SCML2: variants seen among roughly 807,000 people sequenced by gnomAD.
The protein encoded by SCML2 is sex comb on midleg-like protein 2.
In SCML2, 6 loss-of-function variants were observed where a neutral mutation model predicts 48.4. The ratio of observed to expected loss-of-function variants is 0.12; its 90% CI spans 0.07 to 0.24. The LOEUF is 0.24. Among genes scored for constraint, SCML2 ranks in the 10% least tolerant of loss-of-function variants. The pLI is 1.00. For synonymous variants in SCML2, 181 were observed against 189.5 expected (o/e 0.95, Z 0.37); for missense variants, 377 against 528.2 (o/e 0.71, Z 2.81).
At chrX:18,275,952 C>T (rs936552528) in intron 7 of SCML2, among the ~76,000 whole-genome samples, 1 of 112,277 alleles carries the variant, frequency 8.9e-6, no homozygotes, top group Non-Finnish European at 1.9e-5. Flanking sequence ...GTGGAGAAAT[C>T]AGGACCCTTG....
intron 1 of SCML2, 63 bp downstream of exon 1, chrX:18,354,529 G>T: frequency 4.2e-6 from 1 of 240,332 alleles, no homozygotes; most frequent in South Asian, 2.3e-4. Flanking sequence ...CACGGACAAC[G>T]GTCGGGGTCC....
intron 7 of SCML2, among the ~76,000 whole-genome samples, chrX:18,277,931 C>G (rs1927699253): frequency 9.1e-6 from 1 of 110,420 alleles, no homozygotes; most frequent in South Asian, 4.0e-4. Flanking sequence ...CTTTGGGAAG[C>G]CGAGGCGGGA....
At chrX:18,316,652 G>T (rs769685587) in intron 6 of SCML2, among the ~76,000 whole-genome samples, 32 of 111,887 alleles carry the variant, frequency 2.9e-4, no homozygotes, top group Middle Eastern at 4.6e-3. Context: ...TAGAACAGGG[G>T]TCCCCAACCC....
chrX:18,336,416 C>G (rs1388894022), intron 1 of SCML2, among the ~76,000 whole-genome samples: 2 of 80,051 alleles, frequency 2.5e-5, no homozygotes, highest in Non-Finnish European at 4.7e-5. Context: ...TCCAGCCTGG[C>G]GAAAGAGCGA....
chrX:18,243,866 T>C (rs1459506432), intron 13 of SCML2, among the ~76,000 whole-genome samples: 1 of 112,065 alleles, frequency 8.9e-6, no homozygotes, highest in African/African-American at 3.2e-5. Flanking sequence ...TAGGAAGATT[T>C]GTTTTGCTAA....
intron 2 of SCML2, 63 bp from the exon 3 acceptor site, chrX:18,330,718 A>G: frequency 1.5e-6 from 1 of 683,067 alleles, no homozygotes; most frequent in Non-Finnish European, 2.2e-6. Context: ...AGCACTCAGA[A>G]AAATATAAAT....
chrX:18,289,224 A>C (rs1006314290), intron 7 of SCML2, among the ~76,000 whole-genome samples: 4 of 112,327 alleles, frequency 3.6e-5, no homozygotes, highest in Non-Finnish European at 7.5e-5. Context: ...CAAGAAAGAA[A>C]AATCTCCAGA....
Position 18,332,024 on chromosome X carries a change from A to C in SCML2, c.23-1369T>G, listed in dbSNP as rs754899139. On this transcript the variant is annotated intron_variant, in intron 2 of 14. Coordinates refer to ENST00000251900, the MANE Select transcript of SCML2 (RefSeq NM_006089.3). ...CACAGGAGGCTCCTAATATCTAGTT[A>C]TCTCTCTTTTCGTGATGTGAACAGT... Among the ~76,000 whole-genome samples the C allele has an allele frequency of 3.6e-5, 4 of 112,162 alleles. No individual in the cohort carries two copies. The South Asian group carries it at 1.1e-3, about 31-fold the overall frequency.
At chrX:18,347,200 T>C (rs908756482) in intron 1 of SCML2, among the ~76,000 whole-genome samples, 25 of 111,331 alleles carry the variant, frequency 2.2e-4, no homozygotes, top group African/African-American at 8.2e-4. Flanking sequence ...ATCCCAGCAC[T>C]TTGGGAGGCT....
At chrX:18,316,270 T>C (rs1395057793) in intron 6 of SCML2, among the ~76,000 whole-genome samples, 1 of 111,507 alleles carries the variant, frequency 9.0e-6, no homozygotes, top group Admixed American at 9.5e-5. Context: ...ATGCCTGTAA[T>C]CCCAGCTACT....
At chrX:18,292,928 T>C (rs1210111287) in intron 7 of SCML2, among the ~76,000 whole-genome samples, 2 of 110,638 alleles carry the variant, frequency 1.8e-5, no homozygotes, top group Non-Finnish European at 3.8e-5. Flanking sequence ...AATTATTCTA[T>C]AATTATTCTA....
chrX:18,241,313 G>A lies in SCML2; in HGVS notation c.2041C>T (p.Leu681=). The A allele has an allele frequency of 8.3e-7, 1 of 1,199,970 alleles. No homozygotes were observed. Among genetic ancestry groups the A allele is most frequent in the African/African-American group, 1.7e-5 (1 of 57,519 alleles). ...DVMMKYMGLK[L]GPALKLCYYI... is the part of the protein sequence containing the mutation. The stretch of plus-strand genomic sequence containing the variant: ...TAACACAGCTTTAATGCTGGCCCCA[G>A]CTTCAGCCCCATATACTTCATCATC... Residue 681 remains leucine, a synonymous_variant, in exon 15 of 15, where the codon CTG becomes TTG. Transcript: ENST00000251900.
At chrX:18,283,036 G>A (rs192051910) in intron 7 of SCML2, among the ~76,000 whole-genome samples, 2 of 111,231 alleles carry the variant, frequency 1.8e-5, no homozygotes, top group East Asian at 5.6e-4. Context: ...TGAATACAGA[G>A]GCAAATATCC....
chrX:18,276,778 G>A (rs748398700), intron 7 of SCML2, among the ~76,000 whole-genome samples: 133 of 111,492 alleles, frequency 1.2e-3, no homozygotes, highest in African/African-American at 4.1e-3. Context: ...ATCTAGAATA[G>A]GTAAATCCAT....
intron 6 of SCML2, among the ~76,000 whole-genome samples, chrX:18,309,725 A>G (rs1377045873): frequency 8.9e-6 from 1 of 111,769 alleles, no homozygotes; most frequent in Admixed American, 9.5e-5. Flanking sequence ...GTGAGTACAC[A>G]TGGACACAAA....
rs1477449884 is a variant in SCML2, at chrX:18,262,735, A to C, written c.949-2444T>G. Among the ~76,000 whole-genome samples the C allele has an allele frequency of 1.9e-5, 2 of 104,818 alleles. 1 individual carries two copies. Among genetic ancestry groups the C allele is most frequent in the African/African-American group, 7.4e-5 (2 of 26,872 alleles). 91.0% of individuals were successfully genotyped at this position (104,818 alleles called of 115,157 possible). ...TCCTTTTTTTTTCCCCCTTTGAGAC[A>C]AGGTTTCACTCCTGTCACCCAAGCT... On this transcript the variant is annotated intron_variant, in intron 8 of 14. Coordinates refer to ENST00000251900, the MANE Select transcript of SCML2 (RefSeq NM_006089.3).
chrX:18,258,222 T>C lies in SCML2; in HGVS notation c.1095A>G (p.Gly365=). Residue 365 remains glycine, a synonymous_variant, in exon 10 of 15, where the codon GGA becomes GGG. Coordinates refer to ENST00000251900, the MANE Select transcript of SCML2 (RefSeq NM_006089.3). ...STVCVYVNKH[G]NFGPHLDPKR... The stretch of plus-strand genomic sequence containing the variant: ...TGGGATCCAGATGAGGGCCAAAGTT[T>C]CCATGTTTGTTTACATAGACACAGA... The C allele has an allele frequency of 8.3e-7, 1 of 1,210,872 alleles. No individual in the cohort carries two copies. Among genetic ancestry groups the C allele is most frequent in the Non-Finnish European group, 1.1e-6 (1 of 894,780 alleles).
intron 11 of SCML2, among the ~76,000 whole-genome samples, chrX:18,249,852 C>A (rs567371606): frequency 9.0e-6 from 1 of 111,192 alleles, no homozygotes; most frequent in African/African-American, 3.3e-5. Context: ...CCAACACACA[C>A]AGAAAATCCC....
chrX:18,313,292 G>A (rs1041912638), intron 6 of SCML2, among the ~76,000 whole-genome samples: 2 of 110,663 alleles, frequency 1.8e-5, no homozygotes, highest in African/African-American at 6.6e-5. Context: ...GGAGGTAATT[G>A]AATCATGGAA....
Sources: gnomAD v4.1 joint callset for allele counts (sites outside exome capture counted in the v4.1 genomes callset) on GRCh38, gnomAD v4.1.1 for gene constraint, MANE v1.5 for transcripts, NCBI Gene and HGNC (gene_info 2026-07-23, HGNC 2026-07-21) for gene names.